Variants in ATAD2B observed in about 807,000 individuals in gnomAD.
ATAD2B encodes the protein ATPase family AAA domain-containing protein 2B.
A neutral mutation model predicts 167.6 loss-of-function variants in ATAD2B; 40 were observed. The ratio of observed to expected loss-of-function variants is 0.24; its 90% confidence interval spans 0.19 to 0.31. The LOEUF is 0.31. Among genes scored for constraint, ATAD2B ranks in the 10% least tolerant of loss-of-function variants. ATAD2B has a pLI of 1.00. For missense variants in ATAD2B, 1,242 were observed against 1,757.2 expected, an observed-to-expected ratio of 0.71 and a Z score of 5.24; for synonymous variants, 579 against 596.5, an observed-to-expected ratio of 0.97 and a Z score of 0.43.
At chr2:23,862,061 G>A (rs1194052523) in intron 12 of ATAD2B, among the ~76,000 whole-genome samples, 1 of 152,190 alleles carries the variant, frequency 6.6e-6, no homozygotes, top group African/African-American at 2.4e-5. Context: ...TTAGGCAAGT[G>A]TGGTAGTGCA....
intron 27 of ATAD2B, 87 bp downstream of exon 27, chr2:23,754,092 T>C (rs1425143869): frequency 9.0e-7 from 1 of 1,109,834 alleles, no homozygotes; most frequent in African/African-American, 1.7e-5. Context: ...AAGACATAGA[T>C]GTAGGCAAAA....
chr2:23,834,101 A>C, intron 13 of ATAD2B, 23 bp from the exon 14 acceptor site: 3 of 1,475,716 alleles, frequency 2.0e-6, no homozygotes, highest in Non-Finnish European at 2.7e-6. Context: ...TTTCAGGCAA[A>C]ATTAAAAGAA....
chr2:23,787,590 GAAC>G (rs1485448819), intron 20 of ATAD2B, among the ~76,000 whole-genome samples: 1 of 151,502 alleles, frequency 6.6e-6, no homozygotes, highest in Non-Finnish European at 1.5e-5. Flanking sequence ...AGCCACTAAA[GAAC>G]AATAAAATTA....
At chr2:23,755,407 C>T (rs748849868) in intron 25 of ATAD2B, among the ~76,000 whole-genome samples, 6 of 152,098 alleles carry the variant, frequency 3.9e-5, no homozygotes, top group Non-Finnish European at 2.9e-5. Context: ...TTTGCTGAAA[C>T]CAGCCACACT....
At chr2:23,769,787 C>T (rs1678032391) in intron 22 of ATAD2B, among the ~76,000 whole-genome samples, 1 of 142,246 alleles carries the variant, frequency 7.0e-6, no homozygotes, top group Non-Finnish European at 1.5e-5. Flanking sequence ...ATAATCTGGG[C>T]TCACTGCATC....
chr2:23,914,673 A>C (rs1037456344), intron 1 of ATAD2B, among the ~76,000 whole-genome samples: 1 of 150,226 alleles, frequency 6.7e-6, no homozygotes, highest in African/African-American at 2.4e-5. Context: ...CCCCGTCTCT[A>C]CTAAAAATAC....
At chr2:23,695,889 C>A in the ATAD2B span, 1 of 1,534,532 alleles carries the variant, frequency 6.5e-7, no homozygotes, top group Non-Finnish European at 8.8e-7. The surrounding 1 kb of genome is among the most constrained non-coding windows in gnomAD (Gnocchi z 7.6). Context: ...CAGTGAGGTG[C>A]CAGGCACAGA....
chr2:23,828,675 A>T (rs983412872), intron 15 of ATAD2B, among the ~76,000 whole-genome samples, 174 bp downstream of exon 15: 7 of 152,284 alleles, frequency 4.6e-5, no homozygotes, highest in African/African-American at 1.7e-4. Flanking sequence ...ATTCTAATTT[A>T]GAAGTACTCA....
intron 6 of ATAD2B, among the ~76,000 whole-genome samples, chr2:23,884,187 G>A (rs1422332016): frequency 1.3e-5 from 2 of 152,030 alleles, no homozygotes; most frequent in Non-Finnish European, 2.9e-5. Flanking sequence ...TCCTATAGGT[G>A]TACTGTTCAT....
chr2:23,792,981 A>AAAAC (rs1269442961), intron 19 of ATAD2B, among the ~76,000 whole-genome samples: 1 of 150,618 alleles, frequency 6.6e-6, no homozygotes, highest in African/African-American at 2.4e-5. Flanking sequence ...AAAAAAAAAA[A>AAAAC]AAAAAAAAAC....
chr2:23,738,522 C>T, the ATAD2B span, among the ~76,000 whole-genome samples: 2 of 152,116 alleles, frequency 1.3e-5, no homozygotes, highest in Admixed American at 6.5e-5. Context: ...CACCACCAGC[C>T]CTGCCCTAAA....
chr2:23,703,254 CCA>C, the ATAD2B span: 1 of 1,545,426 alleles, frequency 6.5e-7, no homozygotes, highest in African/African-American at 1.4e-5. Flanking sequence ...TCTGCTGCAG[CCA>C]CAGTGTGTGG....
chr2:23,810,562 A>C lies in ATAD2B; in HGVS notation c.2268-60T>G. The C allele has an allele frequency of 2.1e-6, 3 of 1,400,174 alleles. No individual in the cohort carries two copies. The South Asian group carries it at 4.2e-5, about 20-fold the overall frequency. 86.7% of individuals were successfully genotyped at this position (1,400,174 alleles called of 1,614,324 possible). On this transcript the variant is annotated intron_variant, in intron 17 of 27. Coordinates refer to ENST00000238789, the MANE Select transcript of ATAD2B (RefSeq NM_017552.4). The stretch of plus-strand genomic sequence containing the variant: ...CATACATTCTGAAGACAAATATGAA[A>C]TATCAGGCAAAATTTTTACATTAAA...
chr2:23,686,990 T>C, the ATAD2B span, among the ~76,000 whole-genome samples: 8 of 152,170 alleles, frequency 5.3e-5, no homozygotes, highest in Non-Finnish European at 8.8e-5. Context: ...TGTAAAATCA[T>C]AGAGAATTTC....
chr2:23,848,429 G>A (rs576614521), intron 13 of ATAD2B, among the ~76,000 whole-genome samples: 5 of 152,152 alleles, frequency 3.3e-5, no homozygotes, highest in African/African-American at 1.2e-4. Context: ...GCAGTGAGCC[G>A]AGACTGCGCC....
Position 23,863,384 on chromosome 2 carries a change from A to C in ATAD2B, c.1476T>G (p.Asp492Glu). Reference protein sequence around the residue: ...ESERQLRLLFDQAYLMRPSII... With the variant: ...ESERQLRLLFEQAYLMRPSII... ...TGAATTAGATGATTTCTCTTACCTG[A>C]TCAAAAAGAAGCCTAAGTTGCCTTT... is the stretch of plus-strand genomic sequence containing the variant. The change falls in exon 12 of 28, where the codon GAT becomes GAG. Residue 492 changes from aspartate to glutamate, a missense_variant. Asp to Glu is a conservative substitution (Grantham distance 45). Around this residue, in one of 9 missense-constraint regions of ATAD2B, gnomAD observed 151 missense variants for 284.1 expected, o/e 0.53. Transcript: ENST00000238789. 1.3e-6 allele frequency: 2 copies of C among 1,551,860 alleles called. 1 individual carries two copies. The highest frequency in any genetic ancestry group is 2.4e-5 in the South Asian group (2 of 84,018).
intron 6 of ATAD2B, chr2:23,883,684 T>A: frequency 1.0e-6 from 1 of 1,003,526 alleles, no homozygotes; most frequent in Non-Finnish European, 1.4e-6. Flanking sequence ...ATTAGAAATA[T>A]CACCTCTTCA....
At chr2:23,892,816 G>A (rs1699723279) in intron 2 of ATAD2B, among the ~76,000 whole-genome samples, 1 of 152,102 alleles carries the variant, frequency 6.6e-6, no homozygotes, top group Non-Finnish European at 1.5e-5. Flanking sequence ...CTGTATCTTA[G>A]AGTATGCGTA....
chr2:23,684,206 C>T, the ATAD2B span, among the ~76,000 whole-genome samples: 35 of 152,090 alleles, frequency 2.3e-4, no homozygotes, highest in Admixed American at 8.5e-4. The surrounding 1 kb of genome is among the most constrained non-coding windows in gnomAD (Gnocchi z 4.4). Context: ...TTAGCCCCTC[C>T]CAGTGGCTGC....
Sources: gnomAD v4.1 joint callset for allele counts (sites outside exome capture counted in the v4.1 genomes callset) on GRCh38, gnomAD v4.1.1 for gene constraint, gnomAD v4.1.1 regional missense constraint, Gnocchi (gnomAD v3.1) non-coding constraint, MANE v1.5 for transcripts, NCBI Gene and HGNC (gene_info 2026-07-23, HGNC 2026-07-21) for gene names.